The following TSPAN12 variants were observed in gnomAD, a reference collection of about 807,000 sequenced individuals.
The protein encoded by TSPAN12 is tetraspanin 12.
A neutral mutation model predicts 39.2 loss-of-function variants in TSPAN12; 19 were observed. The observed-to-expected ratio is 0.49, with a 90% CI of 0.34 to 0.71. TSPAN12 has a LOEUF of 0.71. TSPAN12 is among the 30% of genes least tolerant of loss of function. The pLI is 0.01. For missense variants in TSPAN12, 314 were observed against 359.9 expected (o/e 0.87, Z 1.03); for synonymous variants, 119 against 124.8 (o/e 0.95, Z 0.31).
Position 120,789,115 on chromosome 7 carries a change from CCTT to C in TSPAN12, c.613-221_613-219del, listed in dbSNP as rs576358007. ...TCCAGCTGATTCCAATGAGCCAACCCCTTCTTTTGTCTTTCTCAAAACCTGAAA... is the reference window on the plus strand; with the variant it reads ...TCCAGCTGATTCCAATGAGCCAACCCCTTTTGTCTTTCTCAAAACCTGAAA... On this transcript the variant is annotated intron_variant, in intron 7 of 7. Coordinates refer to ENST00000222747, the MANE Select transcript of TSPAN12 (RefSeq NM_012338.4). Among the ~76,000 whole-genome samples, 5 of 152,276 alleles carry C rather than the reference CCTT, an allele frequency of 3.3e-5. No homozygotes were observed. In the South Asian group the frequency reaches 1.0e-3, roughly 32 times the overall value.
intron 4 of TSPAN12, among the ~76,000 whole-genome samples, chr7:120,824,835 A>G (rs2116417844): frequency 6.6e-6 from 1 of 152,312 alleles, no homozygotes; most frequent in Admixed American, 6.5e-5. Context: ...CAATTTATTG[A>G]GTGCCTATAT....
intron 1 of TSPAN12, among the ~76,000 whole-genome samples, chr7:120,857,583 C>T (rs978850509): frequency 2.6e-5 from 4 of 152,108 alleles, no homozygotes; most frequent in Non-Finnish European, 4.4e-5. Context: ...CCCCGCTTCC[C>T]CCGCCCGGGA....
At chr7:120,849,401 T>C (rs1794729945) in intron 2 of TSPAN12, among the ~76,000 whole-genome samples, 1 of 152,188 alleles carries the variant, frequency 6.6e-6, no homozygotes, top group African/African-American at 2.4e-5. Flanking sequence ...CCTAAGTGTA[T>C]TATGAAATGT....
chr7:120,830,319 T>C (rs1184387958), intron 4 of TSPAN12, among the ~76,000 whole-genome samples: 1 of 152,036 alleles, frequency 6.6e-6, no homozygotes, highest in Non-Finnish European at 1.5e-5. Flanking sequence ...CCTATGGTAC[T>C]ACAAATTCCC....
At chr7:120,819,068 C>T (rs936428433) in intron 4 of TSPAN12, among the ~76,000 whole-genome samples, 37 of 151,976 alleles carry the variant, frequency 2.4e-4, no homozygotes, top group African/African-American at 7.7e-4. Flanking sequence ...AGTGAGACTC[C>T]AGAGAAAAAT....
intron 1 of TSPAN12, 83 bp from the exon 2 acceptor site, chr7:120,856,916 T>A: frequency 1.3e-6 from 1 of 790,880 alleles, no homozygotes; most frequent in Non-Finnish European, 2.2e-6. Flanking sequence ...CCACCCGCCC[T>A]CAGCAGGGTC....
chr7:120,856,876 C>T (rs1261985448), intron 1 of TSPAN12, 43 bp from the exon 2 acceptor site: 2 of 1,157,284 alleles, frequency 1.7e-6, no homozygotes, highest in East Asian at 4.9e-5. Context: ...ATCTCACCAT[C>T]ACGCTTCCCA....
At position 120,856,843 on chromosome 7, in the gene TSPAN12, G is replaced by A. The variant is rs1162950806; in HGVS notation, c.-70-10C>T. The A allele has an allele frequency of 4.8e-6, 7 of 1,470,210 alleles. No homozygotes were observed. Among genetic ancestry groups the A allele is most frequent in the Non-Finnish European group, 6.7e-6 (7 of 1,051,180 alleles). 91.1% of individuals were successfully genotyped at this position (1,470,210 alleles called of 1,614,324 possible). ...GCAAAACGGCAGCGATCTGCAGGGG[G>A]CGGGGGAGAGAGAACACGGGACATC... is the stretch of plus-strand genomic sequence containing the variant. On this transcript the variant is annotated splice_polypyrimidine_tract_variant and intron_variant, in intron 1 of 7. Coordinates refer to ENST00000222747, the MANE Select transcript of TSPAN12 (RefSeq NM_012338.4).
At chr7:120,844,207 A>C (rs2116482911) in intron 2 of TSPAN12, among the ~76,000 whole-genome samples, 1 of 152,272 alleles carries the variant, frequency 6.6e-6, no homozygotes, top group Non-Finnish European at 1.5e-5. Context: ...ATCACCTCCC[A>C]CCAGGTCACT....
intron 2 of TSPAN12, among the ~76,000 whole-genome samples, chr7:120,848,670 C>G (rs1794717320): frequency 6.6e-6 from 1 of 152,150 alleles, no homozygotes; most frequent in African/African-American, 2.4e-5. Context: ...AACATTGCAG[C>G]TGTGCACAGA....
intron 2 of TSPAN12, among the ~76,000 whole-genome samples, chr7:120,841,440 A>G (rs1347380990): frequency 6.6e-6 from 1 of 152,160 alleles, no homozygotes; most frequent in Non-Finnish European, 1.5e-5. Flanking sequence ...CAAAAAGGAG[A>G]GAAGGAGAAA....
chr7:120,788,214 T>C lies in TSPAN12; in HGVS notation c.*378A>G, dbSNP rs1268272525. ...ATGTTAGCATTTAATTAGTACTTTATATACTAGTTGGTAGAAGTAAATCAA... is the reference window on the plus strand; with the variant it reads ...ATGTTAGCATTTAATTAGTACTTTACATACTAGTTGGTAGAAGTAAATCAA... On this transcript the variant is annotated 3_prime_UTR_variant, in exon 8 of 8. Transcript: ENST00000222747. 2.0e-5 allele frequency: 5 copies of C among 255,482 alleles called. No homozygotes were observed. The highest frequency in any genetic ancestry group is 2.0e-4 in the East Asian group (2 of 9,774). The allele number at this position is 255,482 out of a possible 1,614,324, so 15.8% of individuals were successfully genotyped here. A position where few individuals can be genotyped will look rare whatever the true frequency, so the allele number is the denominator to read the frequency against.
At chr7:120,799,476 TTATAATTATA>T (rs1334049667) in intron 7 of TSPAN12, among the ~76,000 whole-genome samples, 24 of 129,660 alleles carry the variant, frequency 1.9e-4, no homozygotes, top group African/African-American at 6.4e-4. Flanking sequence ...ATAATTATTT[TTATAATTATA>T]TATAATTATT....
intron 5 of TSPAN12, 71 bp downstream of exon 5, chr7:120,815,658 C>G (rs1005228952): frequency 2.2e-6 from 3 of 1,357,826 alleles, no homozygotes; most frequent in East Asian, 4.8e-5. Flanking sequence ...TGAAAATGAA[C>G]TAACACAAGT....
intron 7 of TSPAN12, among the ~76,000 whole-genome samples, chr7:120,796,578 A>T (rs1793635364): frequency 6.6e-6 from 1 of 152,192 alleles, no homozygotes; most frequent in Admixed American, 6.5e-5. Flanking sequence ...TAGTAGAGAT[A>T]AGGGAATTGG....
At chr7:120,791,508 T>G (rs908043454) in intron 7 of TSPAN12, among the ~76,000 whole-genome samples, 3 of 152,252 alleles carry the variant, frequency 2.0e-5, no homozygotes, top group Non-Finnish European at 2.9e-5. Context: ...TGTGAAATGC[T>G]GTCAGTCAAT....
intron 4 of TSPAN12, 70 bp from the exon 5 acceptor site, chr7:120,815,873 T>C: frequency 7.2e-7 from 1 of 1,393,488 alleles, no homozygotes; most frequent in East Asian, 2.4e-5. Context: ...ACAGACTTGG[T>C]ATTATGTTTA....
intron 7 of TSPAN12, among the ~76,000 whole-genome samples, chr7:120,790,173 C>T (rs551254257): frequency 1.3e-5 from 2 of 152,186 alleles, no homozygotes; most frequent in Non-Finnish European, 2.9e-5. Context: ...CTTAACCTCA[C>T]TCCTTGTGTG....
In TSPAN12 at chr7:120,796,019, A is replaced by T. The variant is rs529554821; in HGVS notation, c.613-7122T>A. Among the ~76,000 whole-genome samples, 6 of 152,320 alleles carry T rather than the reference A, an allele frequency of 3.9e-5. No individual in the cohort carries two copies. The East Asian group carries it at 9.6e-4, about 24-fold the overall frequency. On this transcript the variant is annotated intron_variant, in intron 7 of 7. Transcript: ENST00000222747. Reference sequence around the variant, plus strand: ...CGCAATATCCCTATTACATAGGTAGAATAACGAAATGTAAAAGACTGCATT... The same window carrying T: ...CGCAATATCCCTATTACATAGGTAGTATAACGAAATGTAAAAGACTGCATT...
Sources: gnomAD v4.1 joint callset for allele counts (sites outside exome capture counted in the v4.1 genomes callset) on GRCh38, gnomAD v4.1.1 for gene constraint, MANE v1.5 for transcripts, NCBI Gene and HGNC (gene_info 2026-07-23, HGNC 2026-07-21) for gene names.